Variants in UNC13A observed in about 807,000 individuals in gnomAD.
The protein encoded by UNC13A is unc-13 homolog A.
A neutral mutation model predicts 219.7 loss-of-function variants in UNC13A; 61 were observed. The observed-to-expected ratio is 0.28, with a 90% CI of 0.23 to 0.34. The LOEUF is 0.34. Among genes scored for constraint, UNC13A ranks in the 10% least tolerant of loss-of-function variants. The pLI is 1.00. For missense variants in UNC13A, 1,476 were observed against 2,270.3 expected (o/e 0.65, Z 7.11); for synonymous variants, 920 against 884.6 (o/e 1.04, Z -0.71).
Position 17,606,317 on chromosome 19 carries a change from G to T in UNC13A, c.4849C>A (p.Leu1617Met), listed in dbSNP as rs1277700723. 3 of 1,549,140 alleles carry T rather than the reference G, an allele frequency of 1.9e-6. No homozygotes were observed. Among genetic ancestry groups the T allele is most frequent in the Non-Finnish European group, 1.7e-6 (2 of 1,147,826 alleles). The stretch of plus-strand genomic sequence containing the variant: ...CAGTAGTCCTTGACGCACACCTGCA[G>T]CTCATAGCACTCGGGACCCGCGTCG... ...SADAGPECYE[L>M]QVCVKDYCFA... Residue 1617 changes from leucine to methionine, a missense_variant, in exon 44 of 44, where the codon CTG becomes ATG. Leu to Met is a conservative substitution (Grantham distance 15). Coordinates refer to ENST00000519716, the MANE Select transcript of UNC13A (RefSeq NM_001080421.3).
chr19:17,659,546 T>C (rs889377535), intron 8 of UNC13A, among the ~76,000 whole-genome samples: 3 of 152,174 alleles, frequency 2.0e-5, no homozygotes, highest in Non-Finnish European at 4.4e-5. Context: ...GGCAGGAGGA[T>C]CACTTGAGCC....
intron 43 of UNC13A, 45 bp downstream of exon 43, chr19:17,609,895 G>GC: frequency 6.2e-7 from 1 of 1,605,702 alleles, no homozygotes; most frequent in Non-Finnish European, 8.5e-7. Context: ...CCTGGCGGAT[G>GC]CCCCCTCCCT....
chr19:17,632,277 T>G (rs995989805), intron 28 of UNC13A, among the ~76,000 whole-genome samples: 1 of 152,330 alleles, frequency 6.6e-6, no homozygotes, highest in East Asian at 1.9e-4. Context: ...ACTCCTGACC[T>G]CAGGTGATCT....
At chr19:17,686,568 C>G (rs1447551820) in intron 1 of UNC13A, among the ~76,000 whole-genome samples, 1 of 151,768 alleles carries the variant, frequency 6.6e-6, no homozygotes, top group Non-Finnish European at 1.5e-5. Flanking sequence ...CTAGGGGTCT[C>G]CTTCACTTCC....
At chr19:17,669,853 C>T (rs1290540279) in intron 4 of UNC13A, among the ~76,000 whole-genome samples, 177 bp from the exon 5 acceptor site, 1 of 151,564 alleles carries the variant, frequency 6.6e-6, no homozygotes, top group Non-Finnish European at 1.5e-5. Context: ...TCCCTCCCTC[C>T]CTGCTTCCTT....
chr19:17,651,797 C>T (rs934458897), intron 12 of UNC13A, among the ~76,000 whole-genome samples: 1 of 152,086 alleles, frequency 6.6e-6, no homozygotes, highest in African/African-American at 2.4e-5. Flanking sequence ...TTTAGGAGTC[C>T]CAGCTGCTGT....
intron 22 of UNC13A, 54 bp downstream of exon 22, chr19:17,640,457 C>T: frequency 1.3e-6 from 2 of 1,517,010 alleles, no homozygotes; most frequent in Non-Finnish European, 1.8e-6. Flanking sequence ...TCAGATCTGA[C>T]CGGCATAAAG....
chr19:17,606,888 C>T (rs2076537646), intron 43 of UNC13A, among the ~76,000 whole-genome samples: 1 of 151,880 alleles, frequency 6.6e-6, no homozygotes, highest in African/African-American at 2.4e-5. Flanking sequence ...GTGACACCGC[C>T]TCCCGCATGC....
intron 25 of UNC13A, among the ~76,000 whole-genome samples, chr19:17,638,562 C>T (rs2076934733): frequency 6.6e-6 from 1 of 152,080 alleles, no homozygotes; most frequent in Non-Finnish European, 1.5e-5. Context: ...AGTGGTGGCT[C>T]ACGCCTATAA....
At chr19:17,685,359 T>A (rs2080088338) in intron 1 of UNC13A, among the ~76,000 whole-genome samples, 1 of 151,936 alleles carries the variant, frequency 6.6e-6, no homozygotes, top group African/African-American at 2.4e-5. Context: ...CCTGGCTAAT[T>A]TTTTTTATTT....
Position 17,632,836 on chromosome 19 carries a change from T to C in UNC13A, c.3374A>G (p.Asn1125Ser), listed in dbSNP as rs1019734001. ...NLHFKVKWLYNEYVTELPAFK... is the reference protein window; with the variant it reads ...NLHFKVKWLYSEYVTELPAFK... ...GGCGGGAAGTTCCGTCACATACTCA[T>C]TGTAGAGCCATTTCACCTTGAAGTG... is the stretch of plus-strand genomic sequence containing the variant. Residue 1125 changes from asparagine to serine, a missense_variant, in exon 28 of 44, where the codon AAT (asparagine) becomes AGT (serine). Asn to Ser is a conservative substitution (Grantham distance 46). This residue lies in a region of UNC13A where 218 missense variants were observed against 409.4 expected (regional missense o/e 0.53). Transcript: ENST00000519716. The C allele has an allele frequency of 6.2e-6, 10 of 1,613,938 alleles. No homozygotes were observed. The highest frequency in any genetic ancestry group is 4.2e-6 in the Non-Finnish European group (5 of 1,179,880).
rs2076720901 is a variant in UNC13A at position 17,620,743 on chromosome 19, AG to A, written c.4243-22del. ...CTGCCCTGTGGAGAGAATCAGGTGGAGGTCAGAGTTCTGGTGACTGTTGGGA... is the reference window on the plus strand; with the variant it reads ...CTGCCCTGTGGAGAGAATCAGGTGGAGTCAGAGTTCTGGTGACTGTTGGGA... On this transcript the variant is annotated intron_variant, in intron 37 of 43. Transcript: ENST00000519716. 3 of 1,612,326 alleles carry A rather than the reference AG, an allele frequency of 1.9e-6. No homozygotes were observed. In the East Asian group the frequency reaches 6.7e-5, roughly 36 times the overall value.
At chr19:17,676,260 A>C in intron 1 of UNC13A, 2 of 665,660 alleles carry the variant, frequency 3.0e-6, no homozygotes, top group Non-Finnish European at 5.5e-6. Flanking sequence ...AGAGGTAGGA[A>C]AGAGGAGGCA....
At chr19:17,675,131 C>T (rs1359340514) in intron 2 of UNC13A, among the ~76,000 whole-genome samples, 1 of 151,738 alleles carries the variant, frequency 6.6e-6, no homozygotes. Context: ...AGTTCAAGAC[C>T]AGCCTGGGCA....
chr19:17,642,057 T>C (rs78324349), intron 20 of UNC13A, among the ~76,000 whole-genome samples: 2 of 69,350 alleles, frequency 2.9e-5, no homozygotes, highest in South Asian at 4.7e-4. Context: ...TCCATCCATC[T>C]ACCTATCTAC....
At chr19:17,653,817 TTC>T (rs1370900153) in intron 11 of UNC13A, among the ~76,000 whole-genome samples, 3 of 131,098 alleles carry the variant, frequency 2.3e-5, no homozygotes, top group African/African-American at 5.8e-5. Flanking sequence ...TGGATATCAC[TTC>T]TCTTTTTTTT....
At chr19:17,640,806 C>A in intron 21 of UNC13A, 145 bp from the exon 22 acceptor site, 1 of 736,716 alleles carries the variant, frequency 1.4e-6, no homozygotes, top group Non-Finnish European at 2.0e-6. Flanking sequence ...TCCTTTGGGT[C>A]TCCGCATCTC....
chr19:17,614,955 A>T (rs1233862765), intron 41 of UNC13A, among the ~76,000 whole-genome samples: 1 of 152,016 alleles, frequency 6.6e-6, no homozygotes, highest in Non-Finnish European at 1.5e-5. Flanking sequence ...AGCTAGTAAG[A>T]AGGGGGGAGG....
chr19:17,611,909 C>T lies in UNC13A; in HGVS notation c.4559-54G>A, dbSNP rs1275934663. ...GTGAGCTCTGTTCTTTCCCACCCAC[C>T]AGGAGGGACCTTGACGGCCTCCCAC... On this transcript the variant is annotated intron_variant, in intron 41 of 43. Transcript: ENST00000519716. 4 of 1,509,324 alleles carry T rather than the reference C, an allele frequency of 2.7e-6. No individual in the cohort carries two copies. The African/African-American group carries it at 5.5e-5, about 21-fold the overall frequency. The allele number at this position is 1,509,324 out of a possible 1,614,324, so 93.5% of individuals were successfully genotyped here. A position where few individuals can be genotyped will look rare whatever the true frequency, so the allele number is the denominator to read the frequency against.
Sources: allele counts gnomAD v4.1 joint callset (sites outside exome capture counted in the v4.1 genomes callset), GRCh38; gene constraint gnomAD v4.1.1; regional missense constraint gnomAD v4.1.1; transcripts MANE v1.5; gene names NCBI Gene and HGNC (gene_info 2026-07-23, HGNC 2026-07-21).